The following IAPP variants were observed in gnomAD, a reference collection of about 807,000 sequenced individuals.
IAPP encodes the protein Islet amyloid polypeptide (diabetes-associated peptide; amylin).
IAPP carries 4 observed loss-of-function variants against 2.9 expected under a neutral mutation model. That is an observed-to-expected ratio of 1.39 (90% CI 0.69 to 3.19). The LOEUF is 3.19. Among genes scored for constraint, IAPP ranks in the 30% most tolerant of loss-of-function variants. The pLI is 0.01. For missense variants in IAPP, 114 were observed against 105.3 expected, an observed-to-expected ratio of 1.08 and a Z score of -0.36; for synonymous variants, 40 against 42.1, an observed-to-expected ratio of 0.95 and a Z score of 0.19.
intron 1 of IAPP, among the ~76,000 whole-genome samples, chr12:21,362,823 T>G (rs951551761): frequency 6.6e-6 from 1 of 152,088 alleles, no homozygotes; most frequent in Admixed American, 6.5e-5. Context: ...GGTAACAGGA[T>G]CAATTCAACA....
At chr12:21,361,097 T>A (rs528918417) in intron 1 of IAPP, among the ~76,000 whole-genome samples, 10 of 152,114 alleles carry the variant, frequency 6.6e-5, no homozygotes, top group Admixed American at 6.5e-4. Flanking sequence ...CTCAAGTGGG[T>A]CCCTGACCCC....
chr12:21,370,649 CCTTAACAT>C (rs890402006), upstream of IAPP, among the ~76,000 whole-genome samples: 1 of 151,446 alleles, frequency 6.6e-6, no homozygotes, highest in Non-Finnish European at 1.5e-5. Context: ...TGTTTGGCAC[CCTTAACAT>C]CTTAGAGAAA....
chr12:21,371,762 G>T (rs867831611), upstream of IAPP, among the ~76,000 whole-genome samples: 1 of 152,132 alleles, frequency 6.6e-6, no homozygotes, highest in Non-Finnish European at 1.5e-5. Flanking sequence ...CAGCACTTTG[G>T]GAGGCAGAAG....
At chr12:21,355,575 T>A (rs1938303995) in intron 1 of IAPP, among the ~76,000 whole-genome samples, 1 of 152,180 alleles carries the variant, frequency 6.6e-6, no homozygotes, top group African/African-American at 2.4e-5. Context: ...ATATTACCCT[T>A]AATCCCCCAT....
At chr12:21,357,448 T>TA in intron 1 of IAPP, among the ~76,000 whole-genome samples, 1 of 152,218 alleles carries the variant, frequency 6.6e-6, no homozygotes, top group Non-Finnish European at 1.5e-5. Flanking sequence ...CACCTAATCT[T>TA]AGACTTCTTG....
chr12:21,375,045 T>G (rs189204856), intron 2 of IAPP, among the ~76,000 whole-genome samples: 2 of 152,164 alleles, frequency 1.3e-5, no homozygotes, highest in Non-Finnish European at 1.5e-5. Flanking sequence ...GTCAAACTCC[T>G]GGGCTCAAGC....
At chr12:21,378,031 G>A (rs1038783475) in intron 2 of IAPP, among the ~76,000 whole-genome samples, 2 of 152,142 alleles carry the variant, frequency 1.3e-5, no homozygotes. Flanking sequence ...TGACTGTAAT[G>A]AAAGATGTTG....
At chr12:21,366,156 C>G (rs1007815395) in intron 1 of IAPP, among the ~76,000 whole-genome samples, 3 of 152,274 alleles carry the variant, frequency 2.0e-5, no homozygotes, top group African/African-American at 7.2e-5. Flanking sequence ...ACCCAAATGT[C>G]CATCAGTGAT....
Position 21,377,225 on chromosome 12 carries a change from C to G in IAPP, c.81-1012C>G, listed in dbSNP as rs1591899169. 2.0e-5 allele frequency among the ~76,000 whole-genome samples: 3 copies of G among 152,166 alleles called. No individual in the cohort carries two copies. The East Asian group carries it at 5.8e-4, about 29-fold the overall frequency. On this transcript the variant is annotated intron_variant, in intron 2 of 2. Coordinates refer to ENST00000240652, the MANE Select transcript of IAPP (RefSeq NM_000415.3). ...TTAACCTAGTCTTATCATTAAAATTCTTGAAAGCATAAGATCCAAGCAGGA... is the reference window on the plus strand; with the variant it reads ...TTAACCTAGTCTTATCATTAAAATTGTTGAAAGCATAAGATCCAAGCAGGA...
At chr12:21,374,819 GTCTCTCTC>G (rs71043266) in intron 2 of IAPP, among the ~76,000 whole-genome samples, 5 of 148,266 alleles carry the variant, frequency 3.4e-5, no homozygotes, top group Non-Finnish European at 7.5e-5. Flanking sequence ...TTGAGACAGG[GTCTCTCTC>G]TCTCTCTCTC....
Position 21,379,880 on chromosome 12 carries a change from G to C in IAPP, c.*1454G>C, listed in dbSNP as rs1461201517. 6.6e-6 allele frequency: 1 copy of C among 152,102 alleles called. No individual in the cohort carries two copies. Among genetic ancestry groups the C allele is most frequent in the Non-Finnish European group, 1.5e-5 (1 of 68,010 alleles). 9.4% of individuals were successfully genotyped at this position (152,102 alleles called of 1,614,324 possible). A position where few individuals can be genotyped will look rare whatever the true frequency, so the allele number is the denominator to read the frequency against. ...GAGGCTTTCGTTGGTGGTGGTAAGT[G>C]GTAGCGGTAGTGAGTGTATAGAGGC... On this transcript the variant is annotated 3_prime_UTR_variant, in exon 3 of 3. Coordinates refer to ENST00000240652, the MANE Select transcript of IAPP (RefSeq NM_000415.3).
intron 1 of IAPP, among the ~76,000 whole-genome samples, chr12:21,363,197 C>T (rs1218171532): frequency 6.6e-6 from 1 of 152,186 alleles, no homozygotes; most frequent in Non-Finnish European, 1.5e-5. Flanking sequence ...CAAACTGTCT[C>T]TCAGACCACA....
At chr12:21,362,839 A>G (rs1421250685) in intron 1 of IAPP, among the ~76,000 whole-genome samples, 1 of 152,238 alleles carries the variant, frequency 6.6e-6, no homozygotes, top group Non-Finnish European at 1.5e-5. Context: ...CAACAAGAAG[A>G]GCTAACTATC....
chr12:21,371,573 T>C (rs1017232524), upstream of IAPP, among the ~76,000 whole-genome samples: 1 of 152,200 alleles, frequency 6.6e-6, no homozygotes, highest in Non-Finnish European at 1.5e-5. Context: ...AATGAACTAA[T>C]GTTTCTAGTT....
At chr12:21,373,561 A>C (rs938769930) in intron 2 of IAPP, 130 bp downstream of exon 2, 2 of 724,190 alleles carry the variant, frequency 2.8e-6, no homozygotes, top group African/African-American at 3.5e-5. Context: ...ACCTTCAGCT[A>C]TTCCATTGTT....
upstream of IAPP, among the ~76,000 whole-genome samples, chr12:21,369,324 C>T (rs530950510): frequency 4.6e-5 from 7 of 152,234 alleles, no homozygotes; most frequent in African/African-American, 1.7e-4. Flanking sequence ...TCTAACTCCT[C>T]AGCAACCACC....
intron 2 of IAPP, among the ~76,000 whole-genome samples, chr12:21,373,923 C>A (rs893494740): frequency 3.9e-5 from 6 of 151,968 alleles, no homozygotes; most frequent in Non-Finnish European, 7.4e-5. Context: ...TAATCAGGAG[C>A]AAATTAATGT....
chr12:21,373,327 T>C lies in IAPP; in HGVS notation c.-15-10T>C, dbSNP rs748052544. On this transcript the variant is annotated splice_polypyrimidine_tract_variant and intron_variant, in intron 1 of 2. Coordinates refer to ENST00000240652, the MANE Select transcript of IAPP (RefSeq NM_000415.3). Reference sequence around the variant, plus strand: ...ATCTCTTGATTTCAGTGCTGGATTATTCTTTGCAGAAAATTTGAGAAGCAA... The same window carrying C: ...ATCTCTTGATTTCAGTGCTGGATTACTCTTTGCAGAAAATTTGAGAAGCAA... 7 of 1,526,834 alleles carry C rather than the reference T, an allele frequency of 4.6e-6. No homozygotes were observed. The highest frequency in any genetic ancestry group is 1.7e-4 in the Middle Eastern group (1 of 5,884). The allele number at this position is 1,526,834 out of a possible 1,614,324, so 94.6% of individuals were successfully genotyped here.
At chr12:21,373,712 G>A (rs1414845423) in intron 2 of IAPP, 1 of 701,184 alleles carries the variant, frequency 1.4e-6, no homozygotes, top group African/African-American at 1.8e-5. Context: ...GCCAGAACAT[G>A]AAGCGGGAAA....
Sources: allele counts gnomAD v4.1 joint callset (sites outside exome capture counted in the v4.1 genomes callset), GRCh38; gene constraint gnomAD v4.1.1; transcripts MANE v1.5; gene names NCBI Gene and HGNC (gene_info 2026-07-23, HGNC 2026-07-21).